The following NOX4 variants were observed in gnomAD, a reference collection of about 807,000 sequenced individuals.
NOX4 encodes the protein NADPH oxidase 4.
NOX4 carries 69 observed loss-of-function variants against 87.6 expected under a neutral mutation model. The observed-to-expected ratio is 0.79, with a 90% CI of 0.65 to 0.96. The LOEUF is 0.96. Among genes scored for constraint, NOX4 ranks in the 40% least tolerant of loss-of-function variants. The pLI is 0.00. For synonymous variants in NOX4, 275 were observed against 238.2 expected, an observed-to-expected ratio of 1.15 and a Z score of -1.42; for missense variants, 680 against 681.5, an observed-to-expected ratio of 1.00 and a Z score of 0.02.
intron 12 of NOX4, among the ~76,000 whole-genome samples, chr11:89,363,809 A>G (rs1464049918): frequency 6.6e-6 from 1 of 152,140 alleles, no homozygotes; most frequent in Non-Finnish European, 1.5e-5. Flanking sequence ...ATGGTAACTC[A>G]ATAATAATAC....
intron 2 of NOX4, among the ~76,000 whole-genome samples, chr11:89,460,868 T>C (rs564860151): frequency 6.6e-6 from 1 of 152,312 alleles, no homozygotes; most frequent in East Asian, 1.9e-4. Flanking sequence ...CGTATGTTTA[T>C]TGTGCCACTA....
chr11:89,355,619 T>C (rs187912561), intron 12 of NOX4, among the ~76,000 whole-genome samples: 111 of 152,194 alleles, frequency 7.3e-4, no homozygotes, highest in African/African-American at 2.6e-3. Flanking sequence ...ATTTACATCA[T>C]GTAGCATTCA....
intron 2 of NOX4, among the ~76,000 whole-genome samples, chr11:89,472,673 T>A (rs1021818357): frequency 6.6e-6 from 1 of 152,150 alleles, no homozygotes; most frequent in African/African-American, 2.4e-5. Flanking sequence ...TTATAACATA[T>A]TTTTGTCCCA....
intron 12 of NOX4, among the ~76,000 whole-genome samples, chr11:89,364,600 T>G (rs1351726042): frequency 6.6e-6 from 1 of 152,094 alleles, no homozygotes; most frequent in East Asian, 1.9e-4. Context: ...ATGAGATGTA[T>G]GTACAACCAG....
chr11:89,552,852 C>T, the NOX4 span, among the ~76,000 whole-genome samples: 10 of 152,136 alleles, frequency 6.6e-5, no homozygotes, highest in Admixed American at 2.0e-4. Flanking sequence ...AAAATCAGAG[C>T]GGAATTCTCA....
chr11:89,481,051 CTGAAGGTAACA>C (rs1946370344), intron 2 of NOX4, among the ~76,000 whole-genome samples: 1 of 152,010 alleles, frequency 6.6e-6, no homozygotes, highest in South Asian at 2.1e-4. Context: ...AACCAAAGGA[CTGAAGGTAACA>C]TGTTCCTACT....
At chr11:89,395,830 T>C (rs1941445413) in intron 11 of NOX4, among the ~76,000 whole-genome samples, 1 of 152,186 alleles carries the variant, frequency 6.6e-6, no homozygotes, top group African/African-American at 2.4e-5. Flanking sequence ...GCGGTGTTAT[T>C]TCTGAGGGCT....
intron 6 of NOX4, among the ~76,000 whole-genome samples, chr11:89,435,976 A>G (rs1036303547): frequency 6.6e-5 from 10 of 152,180 alleles, no homozygotes; most frequent in African/African-American, 9.6e-5. Context: ...ACAATTAGCA[A>G]GGGCAGAAAA....
the NOX4 span, among the ~76,000 whole-genome samples, chr11:89,546,075 A>G: frequency 6.6e-6 from 1 of 152,182 alleles, no homozygotes; most frequent in African/African-American, 2.4e-5. Context: ...TAAAAGTAAC[A>G]TTAGTTATTA....
intron 11 of NOX4, among the ~76,000 whole-genome samples, chr11:89,393,133 T>C (rs1215437974): frequency 3.3e-5 from 5 of 152,150 alleles, no homozygotes; most frequent in African/African-American, 1.2e-4. Flanking sequence ...GGCATCTGGC[T>C]ACATTTGGAG....
At chr11:89,384,769 C>T (rs376780144) in intron 11 of NOX4, among the ~76,000 whole-genome samples, 2 of 152,294 alleles carry the variant, frequency 1.3e-5, no homozygotes. Flanking sequence ...AATTCTTACA[C>T]AAGAGCTGGG....
At chr11:89,395,893 T>A (rs1941450212) in intron 11 of NOX4, among the ~76,000 whole-genome samples, 2 of 152,150 alleles carry the variant, frequency 1.3e-5, no homozygotes, top group Non-Finnish European at 2.9e-5. Context: ...ACCATGCTGT[T>A]TTGGTTACTG....
the NOX4 span, among the ~76,000 whole-genome samples, chr11:89,513,279 C>T: frequency 6.6e-6 from 1 of 151,614 alleles, no homozygotes; most frequent in African/African-American, 2.4e-5. Flanking sequence ...AAGATCCTGC[C>T]ATTGTACTCC....
At chr11:89,524,639 C>A in the NOX4 span, among the ~76,000 whole-genome samples, 10 of 151,998 alleles carry the variant, frequency 6.6e-5, no homozygotes, top group South Asian at 1.0e-3. Flanking sequence ...CTAATGCAAC[C>A]ACCATTACAA....
At chr11:89,379,317 T>C (rs1167376116) in intron 11 of NOX4, among the ~76,000 whole-genome samples, 2 of 151,590 alleles carry the variant, frequency 1.3e-5, no homozygotes, top group Non-Finnish European at 2.9e-5. Context: ...ATCACAACAC[T>C]GGAAAAACCC....
intron 13 of NOX4, among the ~76,000 whole-genome samples, chr11:89,350,162 C>T (rs1050049701): frequency 3.9e-5 from 6 of 152,096 alleles, no homozygotes; most frequent in African/African-American, 1.4e-4. Flanking sequence ...AATGGATGCC[C>T]TGGCTTTGGC....
intron 17 of NOX4, among the ~76,000 whole-genome samples, chr11:89,329,540 C>T (rs1945380659): frequency 6.7e-6 from 1 of 150,168 alleles, no homozygotes; most frequent in Admixed American, 6.7e-5. Context: ...GGAAACTATA[C>T]CTAGGCAATT....
the NOX4 span, among the ~76,000 whole-genome samples, chr11:89,540,502 C>T: frequency 1.3e-5 from 2 of 151,450 alleles, no homozygotes; most frequent in Non-Finnish European, 2.9e-5. Flanking sequence ...ATTTTGAAAG[C>T]TTCGGCCGGG....
chr11:89,517,344 C>A, the NOX4 span, among the ~76,000 whole-genome samples: 21 of 152,150 alleles, frequency 1.4e-4, no homozygotes, highest in South Asian at 4.3e-3. Flanking sequence ...ATTTGGTTGA[C>A]CGCTCATCAA....
Sources: gnomAD v4.1 joint callset for allele counts (sites outside exome capture counted in the v4.1 genomes callset) on GRCh38, gnomAD v4.1.1 for gene constraint, MANE v1.5 for transcripts, NCBI Gene and HGNC (gene_info 2026-07-23, HGNC 2026-07-21) for gene names.